Variants in UGT1A5 observed in about 807,000 individuals in gnomAD.
UGT1A5 encodes the protein UDP glucuronosyltransferase family 1 member A5.
UGT1A5 carries 29 observed loss-of-function variants against 40.3 expected under a neutral mutation model. The ratio of observed to expected loss-of-function variants is 0.72; its 90% confidence interval spans 0.54 to 0.98. UGT1A5 has a LOEUF of 0.98. Among genes scored for constraint, UGT1A5 ranks in the 50% least tolerant of loss-of-function variants. The pLI, the probability that UGT1A5 is intolerant of heterozygous loss-of-function variation, is 0.00. For synonymous variants in UGT1A5, 257 were observed against 262.5 expected (o/e 0.98, Z 0.20); for missense variants, 678 against 677.9 (o/e 1.00, Z 0.00).
chr2:233,755,009 G>A (rs1198421851), intron 1 of UGT1A5: 5 of 1,292,374 alleles, frequency 3.9e-6, no homozygotes, highest in East Asian at 4.6e-5. Context: ...AGACCTACTC[G>A]AAGGGGTCCT....
rs1375578843 is a variant in UGT1A5, at chr2:233,769,338, C to A, written c.1307+899C>A. Among the ~76,000 whole-genome samples the A allele has an allele frequency of 6.6e-6, 1 of 152,184 alleles. No individual in the cohort carries two copies. Among genetic ancestry groups the A allele is most frequent in the East Asian group, 1.9e-4 (1 of 5,204 alleles). On this transcript the variant is annotated intron_variant, in intron 4 of 4. Transcript: ENST00000373414. The surrounding 1 kb of genome is among the most constrained non-coding windows in gnomAD (Gnocchi z 4.4). ...CTCACTGGTAATAGGCTTATTAGAA[C>A]CTTATGGGAAGAAGTGGTGGCCAGT...
chr2:233,764,498 G>T (rs1372261378), intron 1 of UGT1A5, among the ~76,000 whole-genome samples: 1 of 152,176 alleles, frequency 6.6e-6, no homozygotes, highest in East Asian at 1.9e-4. Context: ...TGGACCTGTG[G>T]GTTCAATTTT....
intron 1 of UGT1A5, among the ~76,000 whole-genome samples, chr2:233,756,691 G>C (rs1044916114): frequency 6.6e-6 from 1 of 152,108 alleles, no homozygotes; most frequent in Non-Finnish European, 1.5e-5. Flanking sequence ...ATATAATGAC[G>C]ATGAATTTTG....
intron 4 of UGT1A5, chr2:233,771,576 T>C (rs1332686610): frequency 6.6e-6 from 1 of 152,308 alleles, no homozygotes; most frequent in Admixed American, 6.5e-5. Flanking sequence ...GGTGGTTGTT[T>C]ACAACTTCAA....
chr2:233,769,729 C>T lies in UGT1A5; in HGVS notation c.1307+1290C>T. The T allele has an allele frequency of 6.8e-6, 10 of 1,468,988 alleles. No homozygotes were observed. Among genetic ancestry groups the T allele is most frequent in the Non-Finnish European group, 9.0e-6 (10 of 1,109,108 alleles). 91.0% of individuals were successfully genotyped at this position (1,468,988 alleles called of 1,614,324 possible). ...TGTTGGCTAGGCACCATGGCACACGCCTGTAGTCCCAGCCACTCTGGAGGC... is the reference window on the plus strand; with the variant it reads ...TGTTGGCTAGGCACCATGGCACACGTCTGTAGTCCCAGCCACTCTGGAGGC... On this transcript the variant is annotated intron_variant, in intron 4 of 4. Transcript: ENST00000373414. This position sits in a 1 kb window ranked among gnomAD's most constrained non-coding sequence, Gnocchi z 4.4.
intron 1 of UGT1A5, chr2:233,754,615 C>G (rs1360410521): frequency 2.3e-6 from 1 of 438,040 alleles, no homozygotes; most frequent in Non-Finnish European, 4.6e-6. Context: ...TCTCCATCTT[C>G]CTCCACTTCC....
intron 3 of UGT1A5, 135 bp downstream of exon 3, chr2:233,768,071 G>C: frequency 6.3e-7 from 1 of 1,595,002 alleles, no homozygotes; most frequent in Admixed American, 1.8e-5. Context: ...TTTATCTAGT[G>C]GGGTATCTCA....
In UGT1A5 at chr2:233,719,346, A is replaced by T. The variant is rs45540231; in HGVS notation, c.867+5488A>T. 3.4e-3 allele frequency: 5,483 copies of T among 1,613,810 alleles called. 158 individuals are homozygous for T. The African/African-American group carries it at 0.064, about 19-fold the overall frequency. On this transcript the variant is annotated intron_variant, in intron 1 of 4. Transcript: ENST00000373414. ...TCCTGCTGTGTTTTTTTGGAGGTAC[A>T]TTCCATGTGACTTAGACTTTAAGGG...
At chr2:233,729,994 G>T in intron 1 of UGT1A5, 10 of 1,613,954 alleles carry the variant, frequency 6.2e-6, no homozygotes, top group African/African-American at 1.3e-5. Context: ...ACTATCTCAG[G>T]TCTGTATTGG....
chr2:233,729,062 G>A (rs930563151), intron 1 of UGT1A5: 176 of 1,610,848 alleles, frequency 1.1e-4, no homozygotes, highest in Admixed American at 1.2e-4. Context: ...TAATTAAGAT[G>A]AAGAAAGCAA....
chr2:233,757,057 G>C (rs1201778154), intron 1 of UGT1A5, among the ~76,000 whole-genome samples: 1 of 151,606 alleles, frequency 6.6e-6, no homozygotes, highest in African/African-American at 2.4e-5. Context: ...TTGGGGAACA[G>C]CAAGGGATCC....
intron 1 of UGT1A5, among the ~76,000 whole-genome samples, chr2:233,715,022 G>C (rs1438116974): frequency 6.6e-6 from 1 of 152,060 alleles, no homozygotes; most frequent in Non-Finnish European, 1.5e-5. Flanking sequence ...AACTACAGGC[G>C]CATGGCACCA....
intron 1 of UGT1A5, chr2:233,729,991 C>T (rs770784414): frequency 6.2e-6 from 10 of 1,613,902 alleles, no homozygotes; most frequent in Admixed American, 1.7e-5. Flanking sequence ...GCCACTATCT[C>T]AGGTCTGTAT....
rs764408773 is a variant in UGT1A5 at position 233,713,753 on chromosome 2, G to T, written c.762G>T (p.Val254=). 2.5e-6 allele frequency: 4 copies of T among 1,613,952 alleles called. No individual in the cohort carries two copies. Among genetic ancestry groups the T allele is most frequent in the East Asian group, 2.2e-5 (1 of 44,870 alleles). ...SVVDLVSHAS[V]WLFRGDFVMD... ...TGGATCTTGTCAGCCATGCATCTGT[G>T]TGGCTGTTCCGAGGGGACTTTGTGA... The change falls in exon 1 of 5, where the codon GTG becomes GTT. Residue 254 remains valine, a synonymous_variant. Coordinates refer to ENST00000373414, the MANE Select transcript of UGT1A5 (RefSeq NM_019078.2).
At chr2:233,754,864 C>T (rs1448859484) in intron 1 of UGT1A5, 1 of 1,352,042 alleles carries the variant, frequency 7.4e-7, no homozygotes, top group South Asian at 1.1e-5. Context: ...GGTGCAGACC[C>T]TCTGCTTCTG....
At chr2:233,755,804 T>G (rs1335569789) in intron 1 of UGT1A5, 3 of 152,158 alleles carry the variant, frequency 2.0e-5, no homozygotes, top group African/African-American at 7.2e-5. Context: ...CATTAGAGAT[T>G]AAAACAGAAT....
intron 1 of UGT1A5, among the ~76,000 whole-genome samples, chr2:233,748,582 G>T (rs1210700498): frequency 4.6e-5 from 7 of 151,806 alleles, no homozygotes; most frequent in Non-Finnish European, 1.0e-4. Flanking sequence ...TAAAGAGGTT[G>T]ACTCAGTTCA....
chr2:233,730,252 T>A (rs1444242669), intron 1 of UGT1A5, among the ~76,000 whole-genome samples: 1 of 152,134 alleles, frequency 6.6e-6, no homozygotes, highest in Non-Finnish European at 1.5e-5. Context: ...GTGTGACTCA[T>A]AGAGACTGTT....
At chr2:233,730,041 T>G in intron 1 of UGT1A5, 1 of 1,612,628 alleles carries the variant, frequency 6.2e-7, no homozygotes, top group South Asian at 1.1e-5. Flanking sequence ...CAAAACACTT[T>G]TTAAAAAAAT....
Sources: gnomAD v4.1 joint callset for allele counts (sites outside exome capture counted in the v4.1 genomes callset) on GRCh38, gnomAD v4.1.1 for gene constraint, Gnocchi (gnomAD v3.1) non-coding constraint, MANE v1.5 for transcripts, NCBI Gene and HGNC (gene_info 2026-07-23, HGNC 2026-07-21) for gene names.